FGF14: variants seen among roughly 807,000 people sequenced by gnomAD.
FGF14 encodes the protein fibroblast growth factor homologous factor 4.
A neutral mutation model predicts 25.5 loss-of-function variants in FGF14; 5 were observed. The ratio of observed to expected loss-of-function variants is 0.20; its 90% CI spans 0.10 to 0.41. The LOEUF (loss-of-function observed/expected upper bound fraction) is 0.41. FGF14 is among the 10% of genes least tolerant of loss of function. FGF14 has a pLI of 1.00. For synonymous variants in FGF14, 138 were observed against 118.3 expected, an observed-to-expected ratio of 1.17 and a Z score of -1.08; for missense variants, 222 against 320.1, an observed-to-expected ratio of 0.69 and a Z score of 2.34.
At chr13:101,920,531 C>A (rs2033921858), upstream of FGF14, among the ~76,000 whole-genome samples, 2 of 152,204 alleles carry the variant, frequency 1.3e-5, no homozygotes, top group South Asian at 4.1e-4. Flanking sequence ...CCTAGTACCA[C>A]ATCTGGTGCA....
chr13:101,898,994 C>G (rs946683403), intron 1 of FGF14, among the ~76,000 whole-genome samples: 2 of 152,118 alleles, frequency 1.3e-5, no homozygotes, highest in African/African-American at 4.8e-5. Flanking sequence ...ATCCACAATG[C>G]TAAGGAGACA....
chr13:102,355,355 CTCCATCTATAGT>C (rs1186517855), intron 1 of FGF14, among the ~76,000 whole-genome samples: 1 of 152,030 alleles, frequency 6.6e-6, no homozygotes, highest in African/African-American at 2.4e-5. Flanking sequence ...TACTGAAGTC[CTCCATCTATAGT>C]TGGTTGGATG....
At chr13:101,756,694 C>T (rs547108531) in intron 3 of FGF14, among the ~76,000 whole-genome samples, 82 of 152,296 alleles carry the variant, frequency 5.4e-4, no homozygotes, top group Middle Eastern at 3.4e-3. Flanking sequence ...GATCGTGCCA[C>T]TGCACTCCAG....
intron 1 of FGF14, among the ~76,000 whole-genome samples, chr13:102,063,263 A>G (rs72662498): frequency 0.018 from 2,744 of 152,332 alleles, 36 homozygotes; most frequent in Middle Eastern, 0.037. Context: ...AGAAAGTAAT[A>G]TTGATATATT....
At chr13:102,361,483 G>C (rs1438765086) in intron 1 of FGF14, among the ~76,000 whole-genome samples, 2 of 152,174 alleles carry the variant, frequency 1.3e-5, no homozygotes. Flanking sequence ...CAGCCAAGCT[G>C]TGTTGGTTGT....
intron 1 of FGF14, among the ~76,000 whole-genome samples, chr13:101,957,599 G>T: frequency 6.6e-6 from 1 of 152,162 alleles, no homozygotes; most frequent in East Asian, 1.9e-4. Context: ...AGCTTTCCAA[G>T]TGACTCATAT....
intron 1 of FGF14, among the ~76,000 whole-genome samples, chr13:102,098,445 T>A (rs368270242): frequency 1.8e-4 from 28 of 152,342 alleles, no homozygotes; most frequent in East Asian, 1.2e-3. Context: ...ACTTTTTATG[T>A]TTTTATGCTA....
rs142642256 is a variant in FGF14, at chr13:101,985,469, T to C, written c.209-110173A>G. ...TGTTAAGATGATTGCATTCCTAAAA[T>C]GCAGAAAAATCCCATTATTTCAGTA... On this transcript the variant is annotated intron_variant, in intron 1 of 4. Transcript: ENST00000376131. 6.4e-4 allele frequency among the ~76,000 whole-genome samples: 98 copies of C among 152,084 alleles called. 1 individual carries two copies. The highest frequency in any genetic ancestry group is 1.3e-3 in the Non-Finnish European group (89 of 67,970).
intron 1 of FGF14, among the ~76,000 whole-genome samples, chr13:102,387,772 G>T (rs745720294): frequency 5.9e-5 from 9 of 151,452 alleles, no homozygotes; most frequent in African/African-American, 2.2e-4. Context: ...TCGCTCTGTC[G>T]CCAGGCTGGA....
intron 1 of FGF14, among the ~76,000 whole-genome samples, chr13:102,229,956 A>G (rs1346158560): frequency 6.6e-6 from 1 of 152,220 alleles, no homozygotes; most frequent in African/African-American, 2.4e-5. Context: ...TATTCCAGGC[A>G]TTGTACTAGT....
chr13:102,180,408 G>A (rs758273367), intron 1 of FGF14, among the ~76,000 whole-genome samples: 12 of 152,014 alleles, frequency 7.9e-5, no homozygotes, highest in Non-Finnish European at 1.2e-4. Context: ...TGCCTCCTGG[G>A]TTCAAGCGAT....
At chr13:101,994,292 AAAAT>A (rs1000205593) in intron 1 of FGF14, among the ~76,000 whole-genome samples, 13 of 152,120 alleles carry the variant, frequency 8.5e-5, no homozygotes, top group South Asian at 4.1e-4. Flanking sequence ...AAAAGTTAGA[AAAAT>A]AAATAAATAG....
intron 1 of FGF14, among the ~76,000 whole-genome samples, chr13:102,126,545 T>G (rs2045957155): frequency 6.6e-6 from 1 of 152,202 alleles, no homozygotes; most frequent in South Asian, 2.1e-4. Context: ...CAAGTATCTG[T>G]TTTCGTCCCT....
chr13:102,265,884 G>T (rs530288547), intron 1 of FGF14, among the ~76,000 whole-genome samples: 1 of 151,954 alleles, frequency 6.6e-6, no homozygotes, highest in African/African-American at 2.4e-5. Context: ...TACTAATGGA[G>T]ATTTCCTGTA....
At chr13:102,199,010 T>C (rs1263006533) in intron 1 of FGF14, among the ~76,000 whole-genome samples, 2 of 152,228 alleles carry the variant, frequency 1.3e-5, no homozygotes, top group East Asian at 1.9e-4. Context: ...GGTCTTGAAA[T>C]ATACAAAGAA....
intron 1 of FGF14, among the ~76,000 whole-genome samples, chr13:102,250,029 G>A (rs2141065706): frequency 6.6e-6 from 1 of 152,236 alleles, no homozygotes. Flanking sequence ...TCCTGCCTAT[G>A]TAAGAAGACC....
chr13:101,883,832 G>T (rs1161711167), intron 1 of FGF14, among the ~76,000 whole-genome samples: 1 of 151,856 alleles, frequency 6.6e-6, no homozygotes, highest in Non-Finnish European at 1.5e-5. Flanking sequence ...GGAGGCAGAG[G>T]CTGGCGGATC....
At chr13:102,304,547 C>A (rs1311771074) in intron 1 of FGF14, among the ~76,000 whole-genome samples, 1 of 152,174 alleles carries the variant, frequency 6.6e-6, no homozygotes, top group Non-Finnish European at 1.5e-5. Flanking sequence ...AAGAGGGACT[C>A]CAGTGATTCT....
At chr13:102,080,163 C>T (rs1351444951) in intron 1 of FGF14, among the ~76,000 whole-genome samples, 1 of 152,108 alleles carries the variant, frequency 6.6e-6, no homozygotes, top group Non-Finnish European at 1.5e-5. Flanking sequence ...ACAGGCTCAT[C>T]CTCGTTTCTA....
Sources: allele counts gnomAD v4.1 joint callset (sites outside exome capture counted in the v4.1 genomes callset), GRCh38; gene constraint gnomAD v4.1.1; transcripts MANE v1.5; gene names NCBI Gene and HGNC (gene_info 2026-07-23, HGNC 2026-07-21).